The following SCN3A variants were observed in gnomAD, a reference collection of about 807,000 sequenced individuals.
SCN3A encodes the protein sodium channel protein type 3 subunit alpha.
A neutral mutation model predicts 187.6 loss-of-function variants in SCN3A; 60 were observed. The ratio of observed to expected loss-of-function variants is 0.32; its 90% CI spans 0.26 to 0.40. The LOEUF is 0.40. SCN3A is among the 10% of genes least tolerant of loss of function. The pLI is 1.00. For synonymous variants in SCN3A, 788 were observed against 829.2 expected, an observed-to-expected ratio of 0.95 and a Z score of 0.85; for missense variants, 1,601 against 2,428.2, an observed-to-expected ratio of 0.66 and a Z score of 7.16.
chr2:165,146,635 C>T (rs1688354506), intron 12 of SCN3A, 104 bp downstream of exon 12: 1 of 1,174,850 alleles, frequency 8.5e-7, no homozygotes, highest in East Asian at 2.4e-5. Flanking sequence ...GTTCCCTGTC[C>T]CTCACTGAAG....
intron 18 of SCN3A, 74 bp from the exon 19 acceptor site, chr2:165,115,649 T>C (rs532018856): frequency 3.5e-5 from 50 of 1,424,046 alleles, no homozygotes; most frequent in Middle Eastern, 3.5e-4. Flanking sequence ...ACTGTGTCAT[T>C]GTGTGAAAAA....
chr2:165,171,443 C>G (rs369256809), intron 3 of SCN3A, among the ~76,000 whole-genome samples: 16 of 152,194 alleles, frequency 1.1e-4, no homozygotes, highest in African/African-American at 3.6e-4. Context: ...CAGTGACCCC[C>G]TATTATGTCA....
chr2:165,198,903 C>CAA (rs996371925), intron 1 of SCN3A, among the ~76,000 whole-genome samples: 1 of 151,816 alleles, frequency 6.6e-6, no homozygotes, highest in Non-Finnish European at 1.5e-5. Context: ...GAGAAACTAA[C>CAA]AAACAGGTGA....
intron 3 of SCN3A, among the ~76,000 whole-genome samples, chr2:165,175,065 T>C (rs1460442655): frequency 1.1e-4 from 17 of 152,208 alleles, no homozygotes; most frequent in Non-Finnish European, 5.9e-5. Context: ...GAAGTACTTA[T>C]TTAGAACAAC....
In SCN3A at chr2:165,113,819, T is replaced by C. The variant is rs747624867; in HGVS notation, c.3666A>G (p.Ala1222=). The change falls in exon 20 of 28, where the codon GCA becomes GCG. Residue 1222 remains alanine, a synonymous_variant. Coordinates refer to ENST00000283254, the MANE Select transcript of SCN3A (RefSeq NM_006922.4). The part of the protein sequence containing the change: ...IVFMILLSSG[A]LAFEDIYIEQ... ...TGCCAATATGCATTTCACTTACCAATGCACCACTACTGAGAAGGATCATGA... is the reference window on the plus strand; with the variant it reads ...TGCCAATATGCATTTCACTTACCAACGCACCACTACTGAGAAGGATCATGA... 15 of 1,613,728 alleles carry C rather than the reference T, an allele frequency of 9.3e-6. No homozygotes were observed. The highest frequency in any genetic ancestry group is 1.2e-5 in the Non-Finnish European group (14 of 1,179,830).
intron 11 of SCN3A, among the ~76,000 whole-genome samples, chr2:165,147,467 A>G (rs1442133479): frequency 6.6e-6 from 1 of 152,094 alleles, no homozygotes; most frequent in African/African-American, 2.4e-5. Context: ...CCAGTACAAA[A>G]GACTGTTTCT....
intron 15 of SCN3A, among the ~76,000 whole-genome samples, chr2:165,136,531 A>G (rs563020061): frequency 1.3e-5 from 2 of 152,320 alleles, no homozygotes; most frequent in East Asian, 1.9e-4. Context: ...GAAAACAAAG[A>G]TTCAGATTGT....
At chr2:165,137,546 G>C (rs920980634) in intron 15 of SCN3A, among the ~76,000 whole-genome samples, 14 of 152,038 alleles carry the variant, frequency 9.2e-5, no homozygotes, top group African/African-American at 2.9e-4. Context: ...GGCTGTGTGG[G>C]TTAAAACCAC....
intron 21 of SCN3A, among the ~76,000 whole-genome samples, chr2:165,104,070 CTAAT>C (rs1685735071): frequency 6.6e-6 from 1 of 151,952 alleles, no homozygotes; most frequent in South Asian, 2.1e-4. Context: ...AAACAATAAT[CTAAT>C]TATTTTAGGC....
At position 165,183,912 on chromosome 2, in the gene SCN3A, G is replaced by C. The variant is rs571659092; in HGVS notation, c.-51+2639C>G. 2.6e-5 allele frequency among the ~76,000 whole-genome samples: 4 copies of C among 152,240 alleles called. 1 individual carries two copies. The highest frequency in any genetic ancestry group is 9.6e-5 in the African/African-American group (4 of 41,546). On this transcript the variant is annotated intron_variant, in intron 2 of 27. Coordinates refer to ENST00000283254, the MANE Select transcript of SCN3A (RefSeq NM_006922.4). ...TGTATTTTCACGTCTTTGAGAAGGA[G>C]AGTGTGAGTTGCTGTGAAGGACTGG...
Position 165,106,606 on chromosome 2 carries a change from A to T in SCN3A, c.3844-6182T>A, listed in dbSNP as rs115073876. 8.3e-3 allele frequency among the ~76,000 whole-genome samples: 1,266 copies of T among 152,332 alleles called. 17 individuals are homozygous for T. The highest frequency in any genetic ancestry group is 0.029 in the African/African-American group (1,187 of 41,576). On this transcript the variant is annotated intron_variant, in intron 21 of 27. Transcript: ENST00000283254. ...TGTGCCTCAATTTTCCCATCTACACACTAGGAAAGTAACAGTAGATGCTGC... is the reference window on the plus strand; with the variant it reads ...TGTGCCTCAATTTTCCCATCTACACTCTAGGAAAGTAACAGTAGATGCTGC...
chr2:165,097,869 A>G (rs527443574), intron 22 of SCN3A, among the ~76,000 whole-genome samples: 14 of 152,230 alleles, frequency 9.2e-5, no homozygotes, highest in Admixed American at 5.9e-4. Context: ...TTTCAGTAAT[A>G]CATTTTAATT....
rs1172336020 is a variant in SCN3A at position 165,163,648 on chromosome 2, G to A, written c.664C>T (p.Arg222Ter). The part of the protein sequence containing the change: ...VSALRTFRVL[R>*]ALKTISVIPG... Reference sequence around the variant, plus strand: ...ATGACTGAAATTGTTTTCAGTGCTCGGAGAACTCTGAATGTTCTCAACGCT... The same window carrying A: ...ATGACTGAAATTGTTTTCAGTGCTCAGAGAACTCTGAATGTTCTCAACGCT... Residue 222 changes from arginine (R) to a stop codon, truncating the protein, a stop_gained, in exon 7 of 28, where the codon CGA becomes TGA. Coordinates refer to ENST00000283254, the MANE Select transcript of SCN3A (RefSeq NM_006922.4). LOFTEE classifies it high-confidence loss of function. 5 of 1,613,848 alleles carry A rather than the reference G, an allele frequency of 3.1e-6. No homozygotes were observed. The Admixed American group carries it at 5.0e-5, about 16-fold the overall frequency.
intron 15 of SCN3A, among the ~76,000 whole-genome samples, chr2:165,137,475 T>C (rs185397864): frequency 1.2e-4 from 18 of 152,264 alleles, no homozygotes; most frequent in Non-Finnish European, 2.9e-5. Flanking sequence ...AACAATGATG[T>C]TCTTTTTTTC....
At chr2:165,162,204 G>T in intron 9 of SCN3A, 104 bp downstream of exon 9, 1 of 1,046,212 alleles carries the variant, frequency 9.6e-7, no homozygotes, top group Non-Finnish European at 1.5e-6. Context: ...GCTCTTTATT[G>T]CATACATGGT....
Position 165,176,158 on chromosome 2 carries a change from G to T in SCN3A, c.237C>A (p.Asp79Glu). 1 of 1,613,822 alleles carries T rather than the reference G, an allele frequency of 6.2e-7. No individual in the cohort carries two copies. Among genetic ancestry groups the T allele is most frequent in the African/African-American group, 1.3e-5 (1 of 75,008 alleles). The change falls in exon 3 of 28, where the codon GAC becomes GAA. Residue 79 changes from aspartate to glutamate, a missense_variant. Physicochemically the swap from Asp to Glu is conservative, Grantham distance 45. This residue lies in a region of SCN3A where 122 missense variants were observed against 225.1 expected (regional missense o/e 0.54). Transcript: ENST00000283254. ...PPEMVSEPLE[D>E]LDPYYINKKT... ...TCTTATTGATATAGTAGGGATCCAG[G>T]TCCTCCAGGGGCTCTGACACCATCT...
At chr2:165,139,361 G>A (rs941607654) in intron 14 of SCN3A, 115 bp downstream of exon 14, 2 of 1,366,700 alleles carry the variant, frequency 1.5e-6, no homozygotes, top group African/African-American at 1.4e-5. Flanking sequence ...ACATTCTTAG[G>A]TCTAATATAT....
Position 165,088,036 on chromosome 2 carries a change from G to T in SCN3A, c.*2114C>A, listed in dbSNP as rs1684915575. 1 of 152,068 alleles carries T rather than the reference G, an allele frequency of 6.6e-6. No individual in the cohort carries two copies. The allele number at this position is 152,068 out of a possible 1,614,324, so 9.4% of individuals were successfully genotyped here. A position where few individuals can be genotyped will look rare whatever the true frequency, so the allele number is the denominator to read the frequency against. ...TTGTAAAATTCATGTAAACTTTTAT[G>T]TATACAAATGTCAGATCAAGCACAG... On this transcript the variant is annotated 3_prime_UTR_variant, in exon 28 of 28. Coordinates refer to ENST00000283254, the MANE Select transcript of SCN3A (RefSeq NM_006922.4).
intron 26 of SCN3A, chr2:165,093,212 A>C (rs1464554726): frequency 6.6e-6 from 1 of 152,228 alleles, no homozygotes; most frequent in East Asian, 1.9e-4. Context: ...ATTTAGATAG[A>C]GAATACACCA....
Sources: allele counts gnomAD v4.1 joint callset (sites outside exome capture counted in the v4.1 genomes callset), GRCh38; gene constraint gnomAD v4.1.1; regional missense constraint gnomAD v4.1.1; transcripts MANE v1.5; gene names NCBI Gene and HGNC (gene_info 2026-07-23, HGNC 2026-07-21).